KRAS: variants seen among roughly 807,000 people sequenced by gnomAD.
KRAS encodes the protein GTPase KRas.
KRAS carries 1 observed loss-of-function variant against 21.0 expected under a neutral mutation model. The ratio of observed to expected loss-of-function variants is 0.05; its 90% CI spans 0.02 to 0.23. KRAS has a LOEUF of 0.23. Among genes scored for constraint, KRAS ranks in the 10% least tolerant of loss-of-function variants. The pLI is 1.00. For missense variants in KRAS, 107 were observed against 221.8 expected, an observed-to-expected ratio of 0.48 and a Z score of 3.29; for synonymous variants, 67 against 72.5, an observed-to-expected ratio of 0.92 and a Z score of 0.39.
chr12:25,247,242 T>A (rs1171696529), intron 1 of KRAS, among the ~76,000 whole-genome samples: 7 of 152,290 alleles, frequency 4.6e-5, no homozygotes, highest in Non-Finnish European at 1.5e-5. Flanking sequence ...ATATTGTAGA[T>A]AAACACTAAA....
chr12:25,229,445 A>G (rs895403370), intron 2 of KRAS, among the ~76,000 whole-genome samples: 2 of 152,232 alleles, frequency 1.3e-5, no homozygotes, highest in African/African-American at 4.8e-5. Flanking sequence ...ATATTGTTTC[A>G]TCTGCAAATC....
chr12:25,241,180 CCTAA>C (rs1245485545), intron 2 of KRAS, among the ~76,000 whole-genome samples: 12 of 152,096 alleles, frequency 7.9e-5, no homozygotes, highest in South Asian at 2.1e-4. Flanking sequence ...CTTAGTTAGG[CCTAA>C]CTAATACAGA....
At chr12:25,244,334 A>C (rs1049318756) in intron 2 of KRAS, among the ~76,000 whole-genome samples, 20 of 152,218 alleles carry the variant, frequency 1.3e-4, no homozygotes, top group Non-Finnish European at 2.9e-4. Flanking sequence ...AAACAATCTA[A>C]CAATATAGGG....
chr12:25,232,463 C>T (rs980115694), intron 2 of KRAS, among the ~76,000 whole-genome samples: 2 of 151,944 alleles, frequency 1.3e-5, no homozygotes, highest in African/African-American at 4.8e-5. Flanking sequence ...TTTAAATTTA[C>T]CACTCTGAGA....
intron 4 of KRAS, among the ~76,000 whole-genome samples, chr12:25,214,905 G>A (rs1343825894): frequency 1.3e-5 from 2 of 152,184 alleles, no homozygotes; most frequent in South Asian, 2.1e-4. Flanking sequence ...AAAATTCCCA[G>A]GTTTCTCACT....
chr12:25,247,587 C>G (rs1951700939), intron 1 of KRAS, among the ~76,000 whole-genome samples: 1 of 152,194 alleles, frequency 6.6e-6, no homozygotes, highest in Admixed American at 6.5e-5. Context: ...CCAACCTCCC[C>G]CCAACCAGTT....
chr12:25,220,260 A>C (rs61762424), intron 4 of KRAS, among the ~76,000 whole-genome samples: 1 of 152,190 alleles, frequency 6.6e-6, no homozygotes, highest in African/African-American at 2.4e-5. Flanking sequence ...GTCCTTATAC[A>C]CTAGGAACAT....
At chr12:25,248,582 C>A (rs1409186702) in intron 1 of KRAS, among the ~76,000 whole-genome samples, 1 of 132,334 alleles carries the variant, frequency 7.6e-6, no homozygotes, top group Non-Finnish European at 1.7e-5. Flanking sequence ...TTCCGGTTTA[C>A]TTGTTTATGC....
At position 25,214,677 on chromosome 12, in the gene KRAS, C is replaced by T. The variant is rs527284065; in HGVS notation, c.451-4766G>A. On this transcript the variant is annotated intron_variant, in intron 4 of 4. Transcript: ENST00000311936. ...TGCTGGGATTACAGGCGTGAGCCAC[C>T]GCGCCCGGCCAAAAATGACATTTCT... Among the ~76,000 whole-genome samples the T allele has an allele frequency of 1.4e-4, 22 of 152,282 alleles. No homozygotes were observed. The South Asian group carries it at 4.6e-3, about 32-fold the overall frequency.
chr12:25,230,056 G>A (rs1435654995), intron 2 of KRAS, among the ~76,000 whole-genome samples: 1 of 152,182 alleles, frequency 6.6e-6, no homozygotes, highest in East Asian at 1.9e-4. Flanking sequence ...ACAGGCATGA[G>A]CCACTGCGCC....
At chr12:25,224,159 TTA>T (rs1951360015) in intron 4 of KRAS, among the ~76,000 whole-genome samples, 1 of 148,586 alleles carries the variant, frequency 6.7e-6, no homozygotes, top group Admixed American at 6.7e-5. Context: ...TATTGTTATT[TTA>T]TAGTGTACTC....
chr12:25,245,648 T>G (rs1951668752), intron 1 of KRAS, among the ~76,000 whole-genome samples: 5 of 152,222 alleles, frequency 3.3e-5, no homozygotes, highest in Admixed American at 3.3e-4. Flanking sequence ...CATAGACAGT[T>G]CTTTTATCTT....
At chr12:25,235,449 A>G (rs1053295695) in intron 2 of KRAS, among the ~76,000 whole-genome samples, 3 of 152,214 alleles carry the variant, frequency 2.0e-5, no homozygotes, top group Non-Finnish European at 2.9e-5. Context: ...TACCCACATC[A>G]GTCTCCCTTG....
At chr12:25,248,709 G>A (rs1951721572) in intron 1 of KRAS, among the ~76,000 whole-genome samples, 1 of 152,008 alleles carries the variant, frequency 6.6e-6, no homozygotes, top group African/African-American at 2.4e-5. Context: ...TGAAGATCAT[G>A]GGCTGGGAGG....
intron 3 of KRAS, among the ~76,000 whole-genome samples, chr12:25,226,813 C>T (rs1182778770): frequency 1.3e-5 from 2 of 152,142 alleles, no homozygotes; most frequent in Admixed American, 6.5e-5. Context: ...ATATATAATG[C>T]CACTGTTTAT....
At chr12:25,245,147 T>C in intron 2 of KRAS, 127 bp downstream of exon 2, 2 of 1,049,842 alleles carry the variant, frequency 1.9e-6, no homozygotes. Context: ...CCAAGGTACA[T>C]TTCAGATAAC....
rs1158647253 is a variant in KRAS, at chr12:25,205,437, GAA to G, written c.*4356_*4357del. The G allele has an allele frequency of 1.9e-5, 4 of 214,616 alleles. No individual in the cohort carries two copies. The East Asian group carries it at 2.8e-4, about 15-fold the overall frequency. 13.3% of individuals were successfully genotyped at this position (214,616 alleles called of 1,614,324 possible). A position where few individuals can be genotyped will look rare whatever the true frequency, so the allele number is the denominator to read the frequency against. ...CCTAGGTCAGCGCAACCAAATGATGGAAAACAACTGGATCACACTGCATATGT... is the reference window on the plus strand; with the variant it reads ...CCTAGGTCAGCGCAACCAAATGATGGAACAACTGGATCACACTGCATATGT... On this transcript the variant is annotated 3_prime_UTR_variant, in exon 5 of 5. Coordinates refer to ENST00000311936, the MANE Select transcript of KRAS (RefSeq NM_004985.5).
chr12:25,232,570 G>C (rs540139971), intron 2 of KRAS, among the ~76,000 whole-genome samples: 1 of 152,096 alleles, frequency 6.6e-6, no homozygotes, highest in African/African-American at 2.4e-5. Context: ...AAGGTGTTAC[G>C]TTTTTAATTA....
intron 2 of KRAS, among the ~76,000 whole-genome samples, chr12:25,227,954 C>T (rs1951414152): frequency 1.3e-5 from 2 of 152,084 alleles, no homozygotes; most frequent in South Asian, 4.1e-4. Context: ...ACTTAAGTGT[C>T]TGTTAACAGA....
Sources: allele counts gnomAD v4.1 joint callset (sites outside exome capture counted in the v4.1 genomes callset), GRCh38; gene constraint gnomAD v4.1.1; transcripts MANE v1.5; gene names NCBI Gene and HGNC (gene_info 2026-07-23, HGNC 2026-07-21).